RXRA: variants seen among roughly 807,000 people sequenced by gnomAD.
RXRA encodes the protein retinoid X receptor alpha, also known as retinoic acid receptor RXR-alpha.
A neutral mutation model predicts 44.5 loss-of-function variants in RXRA; 5 were observed. The ratio of observed to expected loss-of-function variants is 0.11; its 90% CI spans 0.06 to 0.24. The LOEUF (loss-of-function observed/expected upper bound fraction) is 0.24, where lower values mean the gene tolerates loss of function less well. Ranked by LOEUF, RXRA falls within the 10% of genes least tolerant of loss-of-function variation. The probability of loss-of-function intolerance (pLI) is 1.00; values close to 1 mark genes in which losing one functional copy is unlikely to be tolerated. For synonymous variants in RXRA, 291 were observed against 271.4 expected (o/e 1.07, Z -0.71); for missense variants, 412 against 646.5 (o/e 0.64, Z 3.93).
intron 1 of RXRA, among the ~76,000 whole-genome samples, chr9:134,395,463 G>A (rs1368683175): frequency 6.6e-6 from 1 of 152,244 alleles, no homozygotes; most frequent in Non-Finnish European, 1.5e-5. Context: ...TCAGGGCTCT[G>A]TGTGGGGCCG....
At chr9:134,361,444 C>T (rs970035570) in intron 1 of RXRA, among the ~76,000 whole-genome samples, 3 of 152,170 alleles carry the variant, frequency 2.0e-5, no homozygotes, top group South Asian at 2.1e-4. Context: ...CTGGTGCCGA[C>T]CCTGTCGTTT....
rs1830403148 is a variant in RXRA at position 134,365,491 on chromosome 9, G to T, written c.29-36141G>T. 6.6e-6 allele frequency among the ~76,000 whole-genome samples: 1 copy of T among 152,144 alleles called. No individual in the cohort carries two copies. Among genetic ancestry groups the T allele is most frequent in the Non-Finnish European group, 1.5e-5 (1 of 68,020 alleles). ...GTTTGCTCATGGGGTGGACCAGGCC[G>T]CTGCCCCTGCCTCCTGTCTCTGGCT... On this transcript the variant is annotated intron_variant, in intron 1 of 9. Transcript: ENST00000481739. This position sits in a 1 kb window ranked among gnomAD's most constrained non-coding sequence, Gnocchi z 4.0.
At chr9:134,344,571 T>G (rs1192422596) in intron 1 of RXRA, among the ~76,000 whole-genome samples, 1 of 152,070 alleles carries the variant, frequency 6.6e-6, no homozygotes, top group African/African-American at 2.4e-5. Flanking sequence ...GGGACGGGGC[T>G]GGATCCCAGG....
At chr9:134,350,518 G>A (rs868975525) in intron 1 of RXRA, among the ~76,000 whole-genome samples, 4 of 152,208 alleles carry the variant, frequency 2.6e-5, no homozygotes, top group South Asian at 2.1e-4. Context: ...TGTGGTTTCC[G>A]GCTAGTGTCT....
chr9:134,388,163 C>T (rs1830747685), intron 1 of RXRA, among the ~76,000 whole-genome samples: 2 of 149,556 alleles, frequency 1.3e-5, no homozygotes, highest in Middle Eastern at 3.5e-3. Context: ...TATTAAGTTA[C>T]TTTTATGCAG....
intron 1 of RXRA, among the ~76,000 whole-genome samples, chr9:134,329,328 CG>C (rs1302699327): frequency 3.3e-5 from 5 of 152,258 alleles, no homozygotes; most frequent in South Asian, 4.1e-4. Flanking sequence ...GAGTCCCGCT[CG>C]GGCCTGACGA....
chr9:134,348,395 G>A (rs1588256347), intron 1 of RXRA, among the ~76,000 whole-genome samples: 1 of 152,236 alleles, frequency 6.6e-6, no homozygotes, highest in African/African-American at 2.4e-5. Flanking sequence ...TCAGGATGCA[G>A]GGCAGTGAGA....
intron 1 of RXRA, among the ~76,000 whole-genome samples, chr9:134,382,780 CAT>C (rs1830665279): frequency 6.6e-6 from 1 of 152,144 alleles, no homozygotes; most frequent in Non-Finnish European, 1.5e-5. Flanking sequence ...GCTGGGAAGA[CAT>C]GTGCCTGAGA....
intron 1 of RXRA, among the ~76,000 whole-genome samples, chr9:134,361,037 C>A (rs540826531): frequency 6.6e-6 from 1 of 152,226 alleles, no homozygotes; most frequent in African/African-American, 2.4e-5. Flanking sequence ...CCGGATGTGG[C>A]GAGTGCTGCC....
At chr9:134,381,430 G>A (rs73663469) in intron 1 of RXRA, among the ~76,000 whole-genome samples, 1 of 152,166 alleles carries the variant, frequency 6.6e-6, no homozygotes, top group Non-Finnish European at 1.5e-5. Context: ...TCTTCTAACT[G>A]TCTGAGCGGG....
intron 1 of RXRA, among the ~76,000 whole-genome samples, chr9:134,393,658 C>T (rs1830832570): frequency 1.3e-5 from 2 of 152,192 alleles, no homozygotes; most frequent in South Asian, 4.1e-4. Flanking sequence ...GTAGGCATGA[C>T]AGGGTGGGGT....
chr9:134,434,530 G>A (rs796199117), intron 9 of RXRA, among the ~76,000 whole-genome samples: 8 of 152,324 alleles, frequency 5.3e-5, no homozygotes, highest in African/African-American at 1.9e-4. Flanking sequence ...ACCACCAGAG[G>A]CCAGGCGACA....
Position 134,439,981 on chromosome 9 carries a change from C to T in RXRA, c.*3367C>T, listed in dbSNP as rs368905514. ...TTGGAGCAGACAGCTTTAGCCGTTC[C>T]CAATCCTTAGCAATGCCTTAGCTGG... On this transcript the variant is annotated 3_prime_UTR_variant, in exon 10 of 10. Coordinates refer to ENST00000481739, the MANE Select transcript of RXRA (RefSeq NM_002957.6). 1 of 152,366 alleles carries T rather than the reference C, an allele frequency of 6.6e-6. No individual in the cohort carries two copies. The highest frequency in any genetic ancestry group is 2.1e-4 in the South Asian group (1 of 4,830). 9.4% of individuals were successfully genotyped at this position (152,366 alleles called of 1,614,324 possible).
At chr9:134,354,578 G>A (rs1564267028) in intron 1 of RXRA, among the ~76,000 whole-genome samples, 3 of 152,214 alleles carry the variant, frequency 2.0e-5, no homozygotes, top group African/African-American at 7.2e-5. Context: ...CGGCAGCCGT[G>A]GGGGTGGTGC....
chr9:134,398,691 C>T (rs1484808622), intron 1 of RXRA, among the ~76,000 whole-genome samples: 2 of 152,250 alleles, frequency 1.3e-5, no homozygotes, highest in Non-Finnish European at 2.9e-5. Flanking sequence ...CAGATTACAT[C>T]TGGAGCAGGG....
At chr9:134,400,562 T>C (rs963726497) in intron 1 of RXRA, among the ~76,000 whole-genome samples, 8 of 152,182 alleles carry the variant, frequency 5.3e-5, no homozygotes, top group African/African-American at 1.9e-4. Context: ...CTCCCGGCAC[T>C]TGCTGCCGTC....
chr9:134,409,263 GGGCCCAGCGCGTGGGCACACGTGC>G (rs1310631887), intron 4 of RXRA, 144 bp downstream of exon 4: 12 of 830,170 alleles, frequency 1.4e-5, no homozygotes, highest in East Asian at 3.1e-5. Flanking sequence ...AGTGGGGGCG[GGGCCCAGCGCGTGGGCACACGTGC>G]GGCCCAGAGC....
chr9:134,432,226 G>A (rs1300245635), intron 8 of RXRA, among the ~76,000 whole-genome samples: 4 of 152,218 alleles, frequency 2.6e-5, no homozygotes, highest in African/African-American at 9.6e-5. Flanking sequence ...ACCCAGCAAG[G>A]CAGTTGTCAT....
At position 134,421,799 on chromosome 9, in the gene RXRA, C is replaced by T. The variant is rs909949401; in HGVS notation, c.904C>T (p.Arg302Trp). 2 of 1,612,748 alleles carry T rather than the reference C, an allele frequency of 1.2e-6. No individual in the cohort carries two copies. The highest frequency in any genetic ancestry group is 1.7e-6 in the Non-Finnish European group (2 of 1,179,298). Reference protein sequence around the residue: ...LPLDDQVILLRAGWNELLIAS... With the variant: ...LPLDDQVILLWAGWNELLIAS... ...CCTGGACGACCAGGTCATCCTGCTG[C>T]GGGCAGGTGAGTGGCGAGGCCTAGG... The change falls in exon 6 of 10, where the codon CGG (arginine) becomes TGG (tryptophan). Residue 302 changes from arginine (R) to tryptophan (W), a missense_variant. Transcript: ENST00000481739.
Sources: gnomAD v4.1 joint callset for allele counts (sites outside exome capture counted in the v4.1 genomes callset) on GRCh38, gnomAD v4.1.1 for gene constraint, Gnocchi (gnomAD v3.1) non-coding constraint, MANE v1.5 for transcripts, NCBI Gene and HGNC (gene_info 2026-07-23, HGNC 2026-07-21) for gene names.